Variants in GNG12 observed in about 807,000 individuals in gnomAD.
GNG12 encodes the protein G protein subunit gamma 12.
For missense variants in GNG12, 69 were observed against 83.8 expected (o/e 0.82, Z 0.69); for synonymous variants, 28 against 29.7 (o/e 0.94, Z 0.19).
At chr1:67,811,277 C>T (rs1646923715) in intron 1 of GNG12, among the ~76,000 whole-genome samples, 1 of 152,174 alleles carries the variant, frequency 6.6e-6, no homozygotes, top group Non-Finnish European at 1.5e-5. Context: ...GTAGGGAGAG[C>T]TCGATGTGTG....
intron 1 of GNG12, among the ~76,000 whole-genome samples, chr1:67,815,213 T>A (rs916701987): frequency 2.0e-5 from 3 of 152,232 alleles, no homozygotes; most frequent in Non-Finnish European, 4.4e-5. Flanking sequence ...TTTCTATGAA[T>A]GAGAACTTTA....
chr1:67,752,110 T>C (rs1646542713), intron 2 of GNG12, among the ~76,000 whole-genome samples: 1 of 152,254 alleles, frequency 6.6e-6, no homozygotes, highest in African/African-American at 2.4e-5. Flanking sequence ...GACCCTTTAA[T>C]GAGAAGTTCT....
intron 2 of GNG12, among the ~76,000 whole-genome samples, chr1:67,720,198 A>G (rs973902972): frequency 5.9e-5 from 9 of 152,204 alleles, no homozygotes; most frequent in African/African-American, 2.2e-4. Context: ...CTCCAGCATG[A>G]GATGGCCACT....
intron 1 of GNG12, among the ~76,000 whole-genome samples, chr1:67,802,097 A>G (rs1646869336): frequency 6.6e-6 from 1 of 152,158 alleles, no homozygotes; most frequent in African/African-American, 2.4e-5. Context: ...TCTTGACCAG[A>G]GAATGAGAAA....
chr1:67,771,832 A>G (rs1238429313), intron 2 of GNG12, among the ~76,000 whole-genome samples: 1 of 152,226 alleles, frequency 6.6e-6, no homozygotes, highest in African/African-American at 2.4e-5. Flanking sequence ...ATGCATGTAA[A>G]GCACTTAGCA....
chr1:67,784,702 C>T (rs1405902194), intron 1 of GNG12, among the ~76,000 whole-genome samples: 8 of 152,150 alleles, frequency 5.3e-5, no homozygotes, highest in Non-Finnish European at 1.2e-4. Flanking sequence ...CAGTAATCAA[C>T]AGGTAATATA....
At chr1:67,785,876 T>C (rs1264306228) in intron 1 of GNG12, among the ~76,000 whole-genome samples, 1 of 152,200 alleles carries the variant, frequency 6.6e-6, no homozygotes. Flanking sequence ...ATATCTGTGA[T>C]GCTTTTATTT....
chr1:67,786,744 A>T (rs1646769740), intron 1 of GNG12, among the ~76,000 whole-genome samples: 1 of 152,052 alleles, frequency 6.6e-6, no homozygotes, highest in Non-Finnish European at 1.5e-5. Flanking sequence ...CAACATAGTG[A>T]AACCCCATCT....
At chr1:67,760,900 T>C (rs1375162831) in intron 2 of GNG12, among the ~76,000 whole-genome samples, 1 of 152,212 alleles carries the variant, frequency 6.6e-6, no homozygotes, top group African/African-American at 2.4e-5. Flanking sequence ...AAGAGTTTCA[T>C]GTACACCAAC....
chr1:67,808,307 C>T (rs1033361637), intron 1 of GNG12, among the ~76,000 whole-genome samples: 1 of 151,970 alleles, frequency 6.6e-6, no homozygotes, highest in Admixed American at 6.6e-5. Flanking sequence ...TAGAGGGGAA[C>T]TTCCTCAACT....
At chr1:67,773,727 T>C (rs1245719809) in intron 2 of GNG12, among the ~76,000 whole-genome samples, 2 of 152,136 alleles carry the variant, frequency 1.3e-5, no homozygotes, top group Non-Finnish European at 2.9e-5. Context: ...CAGAGCACTA[T>C]CAGGAAGTTA....
chr1:67,789,420 C>T (rs1457732164), intron 1 of GNG12, among the ~76,000 whole-genome samples: 1 of 151,954 alleles, frequency 6.6e-6, no homozygotes, highest in Non-Finnish European at 1.5e-5. Context: ...TTTCATTAGC[C>T]TTAGAAAACT....
chr1:67,734,023 C>T (rs1005169593), intron 2 of GNG12, among the ~76,000 whole-genome samples: 2 of 152,144 alleles, frequency 1.3e-5, no homozygotes, highest in South Asian at 2.1e-4. Context: ...CAGGCAGCTG[C>T]CTTGCTCAAA....
intron 2 of GNG12, among the ~76,000 whole-genome samples, chr1:67,748,785 A>G (rs1646521307): frequency 6.6e-6 from 1 of 152,226 alleles, no homozygotes; most frequent in African/African-American, 2.4e-5. Flanking sequence ...AGTGCTAATC[A>G]TTAACATGCT....
At chr1:67,762,691 T>C (rs1646612747) in intron 2 of GNG12, among the ~76,000 whole-genome samples, 1 of 152,168 alleles carries the variant, frequency 6.6e-6, no homozygotes, top group African/African-American at 2.4e-5. Context: ...AAAGTTTTTT[T>C]CCCTAATTTT....
At chr1:67,757,094 G>T (rs909197965) in intron 2 of GNG12, among the ~76,000 whole-genome samples, 1 of 152,190 alleles carries the variant, frequency 6.6e-6, no homozygotes, top group African/African-American at 2.4e-5. Flanking sequence ...TGGAGTATTT[G>T]TATATACATA....
At chr1:67,785,224 T>C (rs17130280) in intron 1 of GNG12, among the ~76,000 whole-genome samples, 2,462 of 152,276 alleles carry the variant, frequency 0.016, 77 homozygotes, top group African/African-American at 0.056. Flanking sequence ...CAAGAAATGT[T>C]AGCATTATTT....
chr1:67,829,704 C>G (rs1570582156), intron 1 of GNG12, among the ~76,000 whole-genome samples: 1 of 152,248 alleles, frequency 6.6e-6, no homozygotes, highest in Non-Finnish European at 1.5e-5. Flanking sequence ...GAAGTATGAG[C>G]CAGAAATCAT....
intron 2 of GNG12, among the ~76,000 whole-genome samples, chr1:67,753,716 A>G (rs955929481): frequency 6.6e-6 from 1 of 152,164 alleles, no homozygotes; most frequent in African/African-American, 2.4e-5. Flanking sequence ...AGCACTTACT[A>G]AAGTGTTCGG....
Sources: gnomAD v4.1 joint callset for allele counts (sites outside exome capture counted in the v4.1 genomes callset) on GRCh38, gnomAD v4.1.1 for gene constraint, MANE v1.5 for transcripts, NCBI Gene and HGNC (gene_info 2026-07-23, HGNC 2026-07-21) for gene names.